Variants in SLC35F3 observed in about 807,000 individuals in gnomAD.
The protein encoded by SLC35F3 is putative thiamine transporter SLC35F3.
A neutral mutation model predicts 49.9 loss-of-function variants in SLC35F3; 25 were observed. That is an observed-to-expected ratio of 0.50 (90% CI 0.37 to 0.70). The LOEUF is 0.70. Among genes scored for constraint, SLC35F3 ranks in the 30% least tolerant of loss-of-function variants. The pLI, the probability that SLC35F3 is intolerant of heterozygous loss-of-function variation, is 0.00. For synonymous variants in SLC35F3, 275 were observed against 265.4 expected (o/e 1.04, Z -0.35); for missense variants, 525 against 639.8 (o/e 0.82, Z 1.94).
At chr1:234,206,928 C>T (rs1462454759) in intron 2 of SLC35F3, among the ~76,000 whole-genome samples, 1 of 152,110 alleles carries the variant, frequency 6.6e-6, no homozygotes, top group East Asian at 1.9e-4. Context: ...TTCCCAAATC[C>T]GGACGTCTTC....
chr1:234,235,515 C>T (rs1214446837), intron 3 of SLC35F3, among the ~76,000 whole-genome samples: 1 of 152,214 alleles, frequency 6.6e-6, no homozygotes, highest in Non-Finnish European at 1.5e-5. Context: ...GACCTTGGAA[C>T]AGGAATGCAG....
chr1:234,065,715 C>G (rs1043581638), intron 2 of SLC35F3, among the ~76,000 whole-genome samples: 4 of 152,192 alleles, frequency 2.6e-5, no homozygotes, highest in African/African-American at 9.7e-5. Flanking sequence ...TAAAACATTT[C>G]TTGGTTGACT....
At chr1:234,051,523 C>T (rs1357022641) in intron 2 of SLC35F3, among the ~76,000 whole-genome samples, 1 of 152,180 alleles carries the variant, frequency 6.6e-6, no homozygotes, top group Admixed American at 6.5e-5. Flanking sequence ...TGCTTATCAG[C>T]ATAAGGAGAT....
intron 2 of SLC35F3, among the ~76,000 whole-genome samples, chr1:233,968,492 TTTTTC>T (rs374255593): frequency 0.54 from 81,246 of 150,778 alleles, 22,237 homozygotes; most frequent in Non-Finnish European, 0.57. Flanking sequence ...TTTCTTTTTC[TTTTTC>T]TTTTGTTTTT....
rs529188785 is a variant in SLC35F3, at chr1:233,957,986, G to A, written c.283+52228G>A. ...TTAACTAGGACTTGATGACTAGACC[G>A]CTTTTCCAAATGTTAGGACTTTTCA... On this transcript the variant is annotated intron_variant, in intron 2 of 7. Transcript: ENST00000366618. The surrounding 1 kb of genome is among the most constrained non-coding windows in gnomAD (Gnocchi z 4.0). Among the ~76,000 whole-genome samples, 5 of 152,210 alleles carry A rather than the reference G, an allele frequency of 3.3e-5. No homozygotes were observed. The highest frequency in any genetic ancestry group is 1.9e-4 in the East Asian group (1 of 5,176).
intron 3 of SLC35F3, among the ~76,000 whole-genome samples, chr1:234,279,426 T>G (rs12036313): frequency 0.06 from 9,178 of 152,100 alleles, 330 homozygotes; most frequent in African/African-American, 0.098. Context: ...GCTTTTTAGG[T>G]GGGTTTTAAA....
At chr1:234,268,127 G>A (rs1180285740) in intron 3 of SLC35F3, among the ~76,000 whole-genome samples, 3 of 151,990 alleles carry the variant, frequency 2.0e-5, no homozygotes, top group Non-Finnish European at 4.4e-5. Context: ...AGGTTGTAGC[G>A]AGCCGAGATC....
chr1:234,024,899 C>G (rs933532422), intron 2 of SLC35F3, among the ~76,000 whole-genome samples: 6 of 152,168 alleles, frequency 3.9e-5, no homozygotes, highest in African/African-American at 1.2e-4. Flanking sequence ...GAGGTTTGCT[C>G]TACAAATGAT....
intron 2 of SLC35F3, among the ~76,000 whole-genome samples, chr1:234,000,763 A>G (rs1001547465): frequency 6.6e-5 from 10 of 152,208 alleles, no homozygotes; most frequent in African/African-American, 2.4e-4. Context: ...AGGAAGTCAC[A>G]CAGCTACCCC....
rs537745905 is a variant in SLC35F3, at chr1:234,155,371, C to G, written c.284-76046C>G. ...GATGTTGATAAACTTCCATGTCCTT[C>G]TAAGTGAAAACTGCTATTCACCTGA... On this transcript the variant is annotated intron_variant, in intron 2 of 7. Transcript: ENST00000366618. 2.8e-5 allele frequency among the ~76,000 whole-genome samples: 4 copies of G among 141,146 alleles called. No individual in the cohort carries two copies. In the South Asian group the frequency reaches 9.1e-4, roughly 32 times the overall value. 92.6% of individuals were successfully genotyped at this position (141,146 alleles called of 152,430 possible). A position where few individuals can be genotyped will look rare whatever the true frequency, so the allele number is the denominator to read the frequency against.
rs201730193 is a variant in SLC35F3 at position 233,948,188 on chromosome 1, G to A, written c.283+42430G>A. 6.6e-4 allele frequency among the ~76,000 whole-genome samples: 64 copies of A among 96,272 alleles called. 1 individual carries two copies. In the East Asian group the frequency reaches 0.025, roughly 37 times the overall value. The allele number at this position is 96,272 out of a possible 152,430, so 63.2% of individuals were successfully genotyped here. On this transcript the variant is annotated intron_variant, in intron 2 of 7. Transcript: ENST00000366618. ...ATACTCCCTGGAACGGTAAGAGGGA[G>A]GGGAGAGAGAGAGAGGGAGAGAGGG...
chr1:233,993,107 C>T (rs1663391720), intron 2 of SLC35F3, among the ~76,000 whole-genome samples: 1 of 152,076 alleles, frequency 6.6e-6, no homozygotes, highest in Admixed American at 6.6e-5. Flanking sequence ...CCAGAGGGTA[C>T]AATTAGCTGT....
At chr1:234,252,642 G>A (rs1020022482) in intron 3 of SLC35F3, among the ~76,000 whole-genome samples, 1 of 152,092 alleles carries the variant, frequency 6.6e-6, no homozygotes, top group Non-Finnish European at 1.5e-5. Flanking sequence ...TCACTCTTAC[G>A]AGAGAAATGT....
chr1:233,986,336 A>T (rs1052031870), intron 2 of SLC35F3, among the ~76,000 whole-genome samples: 1 of 152,154 alleles, frequency 6.6e-6, no homozygotes, highest in African/African-American at 2.4e-5. Context: ...TGAGGCTGCC[A>T]CATTCAACTC....
At chr1:234,208,541 A>C (rs1171068797) in intron 2 of SLC35F3, among the ~76,000 whole-genome samples, 1 of 152,150 alleles carries the variant, frequency 6.6e-6, no homozygotes, top group Admixed American at 6.5e-5. Context: ...CCTTGCCCTG[A>C]GGGTCACGAT....
chr1:233,957,610 T>G lies in SLC35F3; in HGVS notation c.283+51852T>G, dbSNP rs1662726889. ...CAGGTGGATCACCTGAAGTCAGGAG[T>G]TCGAGACCAGCCTGGCCAACACGGT... On this transcript the variant is annotated intron_variant, in intron 2 of 7. Transcript: ENST00000366618. This position sits in a 1 kb window ranked among gnomAD's most constrained non-coding sequence, Gnocchi z 4.0. 6.6e-6 allele frequency among the ~76,000 whole-genome samples: 1 copy of G among 151,736 alleles called. No individual in the cohort carries two copies. The highest frequency in any genetic ancestry group is 1.5e-5 in the Non-Finnish European group (1 of 67,932).
intron 2 of SLC35F3, among the ~76,000 whole-genome samples, chr1:234,208,390 C>T (rs965767945): frequency 2.0e-5 from 3 of 152,160 alleles, no homozygotes; most frequent in African/African-American, 7.2e-5. Flanking sequence ...TTTGTACAAC[C>T]CAGGCTGGAA....
At chr1:233,952,158 C>G (rs1195552866) in intron 2 of SLC35F3, among the ~76,000 whole-genome samples, 1 of 151,570 alleles carries the variant, frequency 6.6e-6, no homozygotes, top group African/African-American at 2.4e-5. Context: ...TCTTCTACTT[C>G]TTTCATGAAC....
At chr1:234,194,027 A>G (rs1666768628) in intron 2 of SLC35F3, among the ~76,000 whole-genome samples, 1 of 152,232 alleles carries the variant, frequency 6.6e-6, no homozygotes, top group South Asian at 2.1e-4. Flanking sequence ...CCACTATGGA[A>G]AACAGTGTTT....
Sources: gnomAD v4.1 joint callset for allele counts (sites outside exome capture counted in the v4.1 genomes callset) on GRCh38, gnomAD v4.1.1 for gene constraint, Gnocchi (gnomAD v3.1) non-coding constraint, MANE v1.5 for transcripts, NCBI Gene and HGNC (gene_info 2026-07-23, HGNC 2026-07-21) for gene names.